The following CNTN4 variants were observed in gnomAD, a reference collection of about 807,000 sequenced individuals.
The protein encoded by CNTN4 is contactin 4, also known as contactin-4.
Under a neutral mutation model 122.5 loss-of-function variants are expected in CNTN4, and 77 were observed. That is an observed-to-expected ratio of 0.63 (90% confidence interval 0.52 to 0.76). CNTN4 has a LOEUF of 0.76. Ranked by LOEUF, CNTN4 falls within the 30% of genes least tolerant of loss-of-function variation. CNTN4 has a pLI of 0.00. For missense variants in CNTN4, 1,256 were observed against 1,259.1 expected (o/e 1.00, Z 0.04); for synonymous variants, 512 against 447.0 (o/e 1.15, Z -1.83).
intron 13 of CNTN4, among the ~76,000 whole-genome samples, chr3:2,961,448 G>C (rs2094858203): frequency 6.6e-6 from 1 of 152,048 alleles, no homozygotes. Context: ...TAATATAATG[G>C]ACAGTGTCTT....
chr3:2,618,169 A>G (rs958765397), intron 4 of CNTN4, among the ~76,000 whole-genome samples: 1 of 152,140 alleles, frequency 6.6e-6, no homozygotes, highest in Non-Finnish European at 1.5e-5. Flanking sequence ...CCATCCTGGC[A>G]CATAGAAAGT....
chr3:2,286,289 A>G (rs539809253), intron 2 of CNTN4, among the ~76,000 whole-genome samples: 16 of 145,932 alleles, frequency 1.1e-4, no homozygotes, highest in African/African-American at 4.0e-4. Flanking sequence ...AAAAAACACT[A>G]TGAACTTGAA....
chr3:2,626,325 C>G (rs1400290033), intron 4 of CNTN4, among the ~76,000 whole-genome samples: 2 of 151,906 alleles, frequency 1.3e-5, no homozygotes, highest in Non-Finnish European at 2.9e-5. Context: ...AACCCCATCT[C>G]TACTAAAAAT....
chr3:2,167,008 C>T (rs2036224077), intron 2 of CNTN4, among the ~76,000 whole-genome samples: 1 of 151,976 alleles, frequency 6.6e-6, no homozygotes, highest in Non-Finnish European at 1.5e-5. Flanking sequence ...AATCATTTCA[C>T]TATGTATATG....
chr3:2,348,396 A>G (rs1282648250), intron 3 of CNTN4, among the ~76,000 whole-genome samples: 1 of 152,094 alleles, frequency 6.6e-6, no homozygotes, highest in Non-Finnish European at 1.5e-5. Flanking sequence ...GACTTTAGAT[A>G]TATCTCCCTG....
rs1343500412 is a variant in CNTN4 at position 2,961,135 on chromosome 3, C to T, written c.1359-27210C>T. Among the ~76,000 whole-genome samples the T allele has an allele frequency of 2.2e-5, 3 of 137,680 alleles. 1 individual carries two copies. Among genetic ancestry groups the T allele is most frequent in the African/African-American group, 8.0e-5 (3 of 37,584 alleles). The allele number at this position is 137,680 out of a possible 152,430, so 90.3% of individuals were successfully genotyped here. A position where few individuals can be genotyped will look rare whatever the true frequency, so the allele number is the denominator to read the frequency against. Reference sequence around the variant, plus strand: ...GTCCCAGCTACTCGGGAGGCTGAGGCAGGAGAATGGCGTGAACCCGGGAGG... The same window carrying T: ...GTCCCAGCTACTCGGGAGGCTGAGGTAGGAGAATGGCGTGAACCCGGGAGG... On this transcript the variant is annotated intron_variant, in intron 13 of 24. Transcript: ENST00000418658.
chr3:3,000,289 T>C (rs1695911143), intron 14 of CNTN4, among the ~76,000 whole-genome samples: 1 of 150,992 alleles, frequency 6.6e-6, no homozygotes, highest in Non-Finnish European at 1.5e-5. Context: ...GCTTTTAAGA[T>C]AGACATTAAA....
At chr3:2,629,383 T>C in intron 4 of CNTN4, 1 of 295,238 alleles carries the variant, frequency 3.4e-6, no homozygotes, top group South Asian at 3.0e-5. Flanking sequence ...CACGGCAGCC[T>C]GAGCAGACTA....
chr3:2,705,964 A>T (rs1421522398), intron 4 of CNTN4, among the ~76,000 whole-genome samples: 1 of 132,778 alleles, frequency 7.5e-6, no homozygotes, highest in African/African-American at 2.8e-5. Context: ...ATAAATATAT[A>T]AAATATATAT....
intron 2 of CNTN4, among the ~76,000 whole-genome samples, chr3:2,316,311 T>A (rs1250701103): frequency 1.3e-5 from 2 of 152,070 alleles, no homozygotes; most frequent in Non-Finnish European, 2.9e-5. Context: ...TTTAAAGACA[T>A]GCTTTATCAA....
intron 2 of CNTN4, among the ~76,000 whole-genome samples, chr3:2,287,955 C>G (rs913544454): frequency 6.6e-6 from 1 of 152,004 alleles, no homozygotes; most frequent in Non-Finnish European, 1.5e-5. Context: ...GAATAAAGAT[C>G]TCATTTTTTT....
chr3:2,311,220 A>G (rs943015778), intron 2 of CNTN4, among the ~76,000 whole-genome samples: 1 of 152,224 alleles, frequency 6.6e-6, no homozygotes. Context: ...AGCAAGAATG[A>G]GTCATAGTCT....
intron 2 of CNTN4, among the ~76,000 whole-genome samples, chr3:2,122,900 T>G (rs2033895027): frequency 6.6e-6 from 1 of 152,184 alleles, no homozygotes. Context: ...CTGTTGTTCT[T>G]AATCCTTTCC....
intron 22 of CNTN4, 99 bp downstream of exon 22, chr3:3,043,262 T>A: frequency 8.7e-7 from 1 of 1,143,246 alleles, no homozygotes; most frequent in Non-Finnish European, 1.3e-6. Flanking sequence ...GCATACTAAT[T>A]AGTAGCATGT....
intron 7 of CNTN4, among the ~76,000 whole-genome samples, chr3:2,860,807 G>C (rs1213651720): frequency 6.6e-6 from 1 of 152,124 alleles, no homozygotes; most frequent in African/African-American, 2.4e-5. Flanking sequence ...CTTCTTGAGA[G>C]AGCTCTTTCA....
At chr3:2,317,165 G>A (rs758547882) in intron 2 of CNTN4, among the ~76,000 whole-genome samples, 22 of 152,108 alleles carry the variant, frequency 1.4e-4, no homozygotes, top group Admixed American at 3.3e-4. Context: ...CACTGTAAAT[G>A]TCTGTATAAA....
intron 13 of CNTN4, among the ~76,000 whole-genome samples, chr3:2,963,209 A>G (rs1197442660): frequency 6.6e-6 from 1 of 152,026 alleles, no homozygotes; most frequent in Non-Finnish European, 1.5e-5. Flanking sequence ...TGTGCCTAGA[A>G]TGCACTCTTC....
At chr3:2,419,101 C>T (rs1350897299) in intron 3 of CNTN4, among the ~76,000 whole-genome samples, 1 of 152,112 alleles carries the variant, frequency 6.6e-6, no homozygotes, top group Non-Finnish European at 1.5e-5. Flanking sequence ...AAAATAATTT[C>T]TAAAAATTGG....
At chr3:2,144,254 G>A (rs938406888) in intron 2 of CNTN4, 13 of 152,110 alleles carry the variant, frequency 8.5e-5, no homozygotes, top group African/African-American at 3.1e-4. Context: ...CAGGCCTGGG[G>A]ATTTTTCTGG....
Sources: gnomAD v4.1 joint callset for allele counts (sites outside exome capture counted in the v4.1 genomes callset) on GRCh38, gnomAD v4.1.1 for gene constraint, MANE v1.5 for transcripts, NCBI Gene and HGNC (gene_info 2026-07-23, HGNC 2026-07-21) for gene names.